Variants in USP14 observed in about 807,000 individuals in gnomAD.
USP14 encodes ubiquitin specific peptidase 14, also known as ubiquitin carboxyl-terminal hydrolase 14.
USP14 carries 38 observed loss-of-function variants against 76.5 expected under a neutral mutation model. The ratio of observed to expected loss-of-function variants is 0.50; its 90% CI spans 0.38 to 0.65. USP14 has a LOEUF of 0.65. USP14 is among the 30% of genes least tolerant of loss of function. The probability of loss-of-function intolerance (pLI) is 0.00; values close to 1 mark genes in which losing one functional copy is unlikely to be tolerated. For synonymous variants in USP14, 192 were observed against 191.7 expected, an observed-to-expected ratio of 1.00 and a Z score of -0.01; for missense variants, 467 against 586.5, an observed-to-expected ratio of 0.80 and a Z score of 2.10.
At position 214,337 on chromosome 18, in the gene USP14, C is replaced by T. The variant is rs566521556; in HGVS notation, c.*3053C>T. The T allele has an allele frequency of 7.7e-5, 20 of 258,864 alleles. No homozygotes were observed. Among genetic ancestry groups the T allele is most frequent in the South Asian group, 3.0e-4 (4 of 13,380 alleles). 16.0% of individuals were successfully genotyped at this position (258,864 alleles called of 1,614,324 possible). On this transcript the variant is annotated 3_prime_UTR_variant, in exon 16 of 16. Transcript: ENST00000261601. ...CAGGAAACTAATTTGGTATAAGAAA[C>T]GACATATCCCTAAATAGTGCTTATT...
At chr18:193,098 A>G (rs984491400) in intron 6 of USP14, among the ~76,000 whole-genome samples, 198 bp downstream of exon 6, 1 of 152,198 alleles carries the variant, frequency 6.6e-6, no homozygotes, top group Non-Finnish European at 1.5e-5. Context: ...CGTTTGTGAA[A>G]AATAATCTTT....
intron 3 of USP14, among the ~76,000 whole-genome samples, chr18:167,797 G>A (rs575363210): frequency 6.6e-6 from 1 of 152,014 alleles, no homozygotes; most frequent in African/African-American, 2.4e-5. Flanking sequence ...ATTAACAGGT[G>A]TGAGTCACTG....
At chr18:191,575 T>A (rs1910089012) in intron 5 of USP14, among the ~76,000 whole-genome samples, 1 of 152,180 alleles carries the variant, frequency 6.6e-6, no homozygotes, top group African/African-American at 2.4e-5. Flanking sequence ...TTTTCTCAGT[T>A]AATCCTTATC....
At position 214,584 on chromosome 18, in the gene USP14, C is replaced by T; in HGVS notation, c.*3300C>T. On this transcript the variant is annotated 3_prime_UTR_variant, in exon 16 of 16. Coordinates refer to ENST00000261601, the MANE Select transcript of USP14 (RefSeq NM_005151.4). ...CCTCTTATCAAATGCTGCTTGGTAA[C>T]AAAATCTATCACAGTTTTAATAAAA... 1 of 1,525,572 alleles carries T rather than the reference C, an allele frequency of 6.6e-7. No homozygotes were observed. The highest frequency in any genetic ancestry group is 8.9e-7 in the Non-Finnish European group (1 of 1,124,094). The allele number at this position is 1,525,572 out of a possible 1,614,324, so 94.5% of individuals were successfully genotyped here.
chr18:163,561 A>C, intron 2 of USP14, 108 bp downstream of exon 2: 1 of 1,257,726 alleles, frequency 8.0e-7, no homozygotes. Flanking sequence ...TGCTTTTTTT[A>C]TATGATGAGA....
rs1345805593 is a variant in USP14, at chr18:179,008, G to T, written c.271G>T (p.Asp91Tyr). 1 of 1,612,696 alleles carries T rather than the reference G, an allele frequency of 6.2e-7. No homozygotes were observed. The highest frequency in any genetic ancestry group is 1.1e-5 in the South Asian group (1 of 90,836). The change falls in exon 4 of 16, where the codon GAC becomes TAC. Residue 91 changes from aspartate (D) to tyrosine (Y), a missense_variant. Transcript: ENST00000261601. Reference protein sequence around the residue: ...EPSAKTVFVEDMTEEQLASAM... With the variant: ...EPSAKTVFVEYMTEEQLASAM... Reference sequence around the variant, plus strand: ...CTCAGCCAAAACTGTCTTCGTAGAAGACATGACAGAAGAACAGTTAGCATC... The same window carrying T: ...CTCAGCCAAAACTGTCTTCGTAGAATACATGACAGAAGAACAGTTAGCATC...
chr18:207,988 GATT>G (rs1214363798), intron 13 of USP14, among the ~76,000 whole-genome samples: 2 of 152,062 alleles, frequency 1.3e-5, no homozygotes, highest in African/African-American at 2.4e-5. Context: ...GTTTTGAAGA[GATT>G]ATGTAGAATT....
chr18:177,789 A>G (rs1398617676), intron 3 of USP14, among the ~76,000 whole-genome samples: 1 of 152,014 alleles, frequency 6.6e-6, no homozygotes. Flanking sequence ...TTGTCTTTCT[A>G]TTGATTGTAT....
At chr18:167,915 A>C (rs936873841) in intron 3 of USP14, among the ~76,000 whole-genome samples, 2 of 150,998 alleles carry the variant, frequency 1.3e-5, no homozygotes, top group African/African-American at 4.9e-5. Context: ...GAATGTAAAA[A>C]TACAATTGAT....
rs1026081536 is a variant in USP14, at chr18:199,237, C to T, written c.797C>T (p.Thr266Ile). 1.2e-6 allele frequency: 2 copies of T among 1,613,724 alleles called. No individual in the cohort carries two copies. Among genetic ancestry groups the T allele is most frequent in the East Asian group, 2.2e-5 (1 of 44,832 alleles). Residue 266 changes from threonine (T) to isoleucine (I), a missense_variant, in exon 10 of 16, where the codon ACC (threonine) becomes ATC (isoleucine). Transcript: ENST00000261601. ...KCTESEEEEV[T>I]KGKENQLQLS... Reference sequence around the variant, plus strand: ...ACAGAATCTGAAGAAGAAGAAGTCACCAAAGGAAAGGAAAATCAACTTCAG... The same window carrying T: ...ACAGAATCTGAAGAAGAAGAAGTCATCAAAGGAAAGGAAAATCAACTTCAG...
intron 3 of USP14, among the ~76,000 whole-genome samples, chr18:172,663 A>ACCC (rs1296691020): frequency 6.6e-6 from 1 of 151,568 alleles, no homozygotes; most frequent in Non-Finnish European, 1.5e-5. Flanking sequence ...TGGAAACAAG[A>ACCC]CCCCCCACCT....
At chr18:207,258 A>G (rs1235139576) in intron 13 of USP14, among the ~76,000 whole-genome samples, 1 of 145,116 alleles carries the variant, frequency 6.9e-6, no homozygotes, top group Non-Finnish European at 1.6e-5. Flanking sequence ...ATCAGCCTTC[A>G]CTTTTGTTCT....
intron 13 of USP14, among the ~76,000 whole-genome samples, chr18:205,064 C>T (rs1910493644): frequency 6.6e-6 from 1 of 151,942 alleles, no homozygotes; most frequent in African/African-American, 2.4e-5. Context: ...TTGGTAGAGA[C>T]AGGGTTTTGC....
At chr18:210,198 C>G in intron 14 of USP14, 167 bp downstream of exon 14, 1 of 697,842 alleles carries the variant, frequency 1.4e-6, no homozygotes, top group Non-Finnish European at 2.4e-6. Flanking sequence ...CATTGGCATA[C>G]AGTTCTATGA....
chr18:204,800 CTTTGT>C, intron 13 of USP14, 108 bp downstream of exon 13: 1 of 1,273,734 alleles, frequency 7.9e-7, no homozygotes, highest in Non-Finnish European at 1.1e-6. Flanking sequence ...CAGAACTATA[CTTTGT>C]ATAGTATTAT....
intron 4 of USP14, 27 bp downstream of exon 4, chr18:179,064 T>G: frequency 6.6e-7 from 1 of 1,517,600 alleles, no homozygotes; most frequent in Non-Finnish European, 9.0e-7. Context: ...TTTATGTGTT[T>G]GATCACTACT....
In USP14 at chr18:196,699, C is replaced by G; in HGVS notation, c.526C>G (p.Leu176Val). 6.2e-7 allele frequency: 1 copy of G among 1,614,044 alleles called. No individual in the cohort carries two copies. The highest frequency in any genetic ancestry group is 8.5e-7 in the Non-Finnish European group (1 of 1,179,968). ...TSSSIPPIIL[L>V]QFLHMAFPQF... ...TTCCAGTATTCCACCTATTATTCTA[C>G]TGCAGTTTTTGCACATGGCTTTCCC... The change falls in exon 7 of 16, where the codon CTG becomes GTG. Residue 176 changes from leucine (L) to valine (V), a missense_variant. Physicochemically the swap from Leu to Val is conservative, Grantham distance 32 (BLOSUM62 1). Transcript: ENST00000261601.
intron 13 of USP14, 78 bp downstream of exon 13, chr18:204,770 T>C: frequency 1.3e-6 from 2 of 1,533,406 alleles, no homozygotes; most frequent in Admixed American, 4.4e-5. Context: ...TGTCTTTTTT[T>C]TCCTGCTTCA....
chr18:201,028 C>T (rs1337455878), intron 10 of USP14, among the ~76,000 whole-genome samples: 1 of 152,132 alleles, frequency 6.6e-6, no homozygotes, highest in Non-Finnish European at 1.5e-5. Flanking sequence ...GTCTCAATCT[C>T]CTGACCTTGT....
Sources: gnomAD v4.1 joint callset for allele counts (sites outside exome capture counted in the v4.1 genomes callset) on GRCh38, gnomAD v4.1.1 for gene constraint, MANE v1.5 for transcripts, NCBI Gene and HGNC (gene_info 2026-07-23, HGNC 2026-07-21) for gene names.